The following CRACDL variants were observed in gnomAD, a reference collection of about 807,000 sequenced individuals.
CRACDL encodes the protein CRACD-like protein.
CRACDL carries 26 observed loss-of-function variants against 70.6 expected under a neutral mutation model. The ratio of observed to expected loss-of-function variants is 0.37; its 90% CI spans 0.27 to 0.51. CRACDL has a LOEUF of 0.51. Among genes scored for constraint, CRACDL ranks in the 20% least tolerant of loss-of-function variants. CRACDL has a pLI of 0.94. For synonymous variants in CRACDL, 618 were observed against 615.2 expected, an observed-to-expected ratio of 1.00 and a Z score of -0.07; for missense variants, 1,283 against 1,376.9, an observed-to-expected ratio of 0.93 and a Z score of 1.08.
chr2:98,827,314 T>A (rs1039578630), intron 5 of CRACDL, 145 bp from the exon 6 acceptor site: 5 of 620,186 alleles, frequency 8.1e-6, no homozygotes, highest in Admixed American at 2.8e-5. Flanking sequence ...TTCTTTTTTT[T>A]TCCCCCAAGA....
intron 7 of CRACDL, among the ~76,000 whole-genome samples, chr2:98,817,586 C>CA (rs1704836048): frequency 6.6e-6 from 1 of 152,224 alleles, no homozygotes; most frequent in African/African-American, 2.4e-5. Flanking sequence ...TACACTCCTC[C>CA]AGCATCCAGC....
chr2:98,890,309 T>C (rs1295261050), intron 1 of CRACDL, among the ~76,000 whole-genome samples: 1 of 151,972 alleles, frequency 6.6e-6, no homozygotes, highest in African/African-American at 2.4e-5. Flanking sequence ...AAATTAAGAA[T>C]GAAAGAGGGG....
chr2:98,899,728 G>A (rs1204606960), intron 1 of CRACDL, among the ~76,000 whole-genome samples: 1 of 152,282 alleles, frequency 6.6e-6, no homozygotes, highest in African/African-American at 2.4e-5. Context: ...GCGCTGTTAA[G>A]AAGTATGTCT....
rs917403762 is a variant in CRACDL, at chr2:98,892,171, C to A, written c.-11+43767G>T. Among the ~76,000 whole-genome samples, 6 of 152,236 alleles carry A rather than the reference C, an allele frequency of 3.9e-5. No individual in the cohort carries two copies. In the South Asian group the frequency reaches 1.0e-3, roughly 26 times the overall value. On this transcript the variant is annotated intron_variant, in intron 1 of 9. Coordinates refer to ENST00000397899, the MANE Select transcript of CRACDL (RefSeq NM_207362.3). ...TAAAAGTACTCATCCTTTGACCAGGCAATTCCACCTCTGGGAATCTATTCT... is the reference window on the plus strand; with the variant it reads ...TAAAAGTACTCATCCTTTGACCAGGAAATTCCACCTCTGGGAATCTATTCT...
chr2:98,817,216 G>C (rs1320312387), intron 7 of CRACDL, among the ~76,000 whole-genome samples: 1 of 152,052 alleles, frequency 6.6e-6, no homozygotes, highest in Non-Finnish European at 1.5e-5. Context: ...AGGGAAATTG[G>C]GGGCTATTCA....
chr2:98,823,851 G>A lies in CRACDL; in HGVS notation c.736-314C>T, dbSNP rs1316662091. On this transcript the variant is annotated intron_variant, in intron 6 of 9. Transcript: ENST00000397899. This position sits in a 1 kb window ranked among gnomAD's most constrained non-coding sequence, Gnocchi z 4.0. ...ACCAACAGCAGCCAGTGTCTGCTATGCTCTGTGCTCCCACACTTGTTATTT... is the reference window on the plus strand; with the variant it reads ...ACCAACAGCAGCCAGTGTCTGCTATACTCTGTGCTCCCACACTTGTTATTT... Among the ~76,000 whole-genome samples, 4 of 152,212 alleles carry A rather than the reference G, an allele frequency of 2.6e-5. No individual in the cohort carries two copies. The highest frequency in any genetic ancestry group is 5.9e-5 in the Non-Finnish European group (4 of 68,036).
intron 1 of CRACDL, chr2:98,897,287 G>GAACATTTT: frequency 1.3e-6 from 1 of 773,626 alleles, no homozygotes; most frequent in East Asian, 6.5e-5. Context: ...ATGTACCGGT[G>GAACATTTT]GTTTGTTCCT....
chr2:98,842,772 T>C (rs538183943), intron 2 of CRACDL, among the ~76,000 whole-genome samples: 1 of 152,240 alleles, frequency 6.6e-6, no homozygotes, highest in Non-Finnish European at 1.5e-5. Flanking sequence ...TAGAACTCCA[T>C]TGTGTGGATA....
At chr2:98,860,591 T>C (rs1056889433) in intron 1 of CRACDL, among the ~76,000 whole-genome samples, 2 of 152,202 alleles carry the variant, frequency 1.3e-5, no homozygotes, top group South Asian at 2.1e-4. Flanking sequence ...TAATGTGTAC[T>C]CTTACCTCAC....
At chr2:98,809,568 C>T (rs898468494) in intron 7 of CRACDL, among the ~76,000 whole-genome samples, 1 of 152,174 alleles carries the variant, frequency 6.6e-6, no homozygotes, top group South Asian at 2.1e-4. Context: ...GCTGGTGGCT[C>T]ACAGGACTGC....
intron 1 of CRACDL, among the ~76,000 whole-genome samples, chr2:98,924,961 T>G (rs1285928733): frequency 6.6e-6 from 1 of 152,026 alleles, no homozygotes; most frequent in Non-Finnish European, 1.5e-5. Context: ...CCTCGCAGAG[T>G]GCAGAGGAGG....
At chr2:98,890,150 A>G (rs1045182579) in intron 1 of CRACDL, among the ~76,000 whole-genome samples, 18 of 152,268 alleles carry the variant, frequency 1.2e-4, no homozygotes, top group Admixed American at 1.0e-3. Context: ...AAACAATAAT[A>G]AAGATTAGAG....
At chr2:98,815,890 T>C (rs928133025) in intron 7 of CRACDL, among the ~76,000 whole-genome samples, 1 of 152,196 alleles carries the variant, frequency 6.6e-6, no homozygotes, top group African/African-American at 2.4e-5. Flanking sequence ...AGTTTCAGCT[T>C]GTTGTTGGCA....
intron 1 of CRACDL, among the ~76,000 whole-genome samples, chr2:98,864,363 CCA>C (rs754970087): frequency 3.3e-5 from 5 of 152,134 alleles, no homozygotes; most frequent in Admixed American, 6.5e-5. Flanking sequence ...CTAGGCAAAT[CCA>C]CAGAGACACA....
At chr2:98,855,758 G>A (rs1357736222) in intron 1 of CRACDL, among the ~76,000 whole-genome samples, 2 of 152,120 alleles carry the variant, frequency 1.3e-5, no homozygotes, top group Non-Finnish European at 2.9e-5. Flanking sequence ...GATGATTACA[G>A]CTTATCAAAT....
Position 98,843,667 on chromosome 2 carries a change from T to C in CRACDL, c.70+3064A>G, listed in dbSNP as rs1000012168. On this transcript the variant is annotated intron_variant, in intron 2 of 9. Transcript: ENST00000397899. The stretch of plus-strand genomic sequence containing the variant: ...GATTTTGCAATTTTGTCAAAATTAA[T>C]TAACCATATTTGTATGGGTCTGTTT... Among the ~76,000 whole-genome samples, 8 of 152,246 alleles carry C rather than the reference T, an allele frequency of 5.3e-5. 1 individual carries two copies. Among genetic ancestry groups the C allele is most frequent in the Middle Eastern group, 6.3e-3 (2 of 316 alleles).
At chr2:98,879,695 A>G (rs1707586924) in intron 1 of CRACDL, among the ~76,000 whole-genome samples, 1 of 152,118 alleles carries the variant, frequency 6.6e-6, no homozygotes, top group Non-Finnish European at 1.5e-5. Flanking sequence ...CCAGGTGCAC[A>G]CTGCCGTGCC....
Position 98,822,451 on chromosome 2 carries a change from TC to T in CRACDL, c.1821del (p.Trp607Ter). 1 of 1,481,902 alleles carries T rather than the reference TC, an allele frequency of 6.7e-7. No individual in the cohort carries two copies. Among genetic ancestry groups the T allele is most frequent in the Admixed American group, 2.3e-5 (1 of 43,048 alleles). 91.8% of individuals were successfully genotyped at this position (1,481,902 alleles called of 1,614,324 possible). On this transcript the variant is annotated frameshift_variant, in exon 7 of 10. Transcript: ENST00000397899. LOFTEE classifies it high-confidence loss of function. This position sits in a 1 kb window ranked among gnomAD's most constrained non-coding sequence, Gnocchi z 4.9. ...AGGTCGTCAAGAGCCGCCTCGCTCC[TC>T]CAGACCGGGCCGCTCCTCGCGAGGG... ...RLPLARSGPVWRSEAALDDLQ... is the reference protein window; with the variant it reads ...RLPLARSGPVXRSEAALDDLQ...
intron 1 of CRACDL, among the ~76,000 whole-genome samples, chr2:98,901,623 C>T (rs969786207): frequency 1.8e-4 from 27 of 152,206 alleles, no homozygotes; most frequent in African/African-American, 6.5e-4. Context: ...CTGCAGTTCT[C>T]CAGAAATCCT....
Sources: gnomAD v4.1 joint callset for allele counts (sites outside exome capture counted in the v4.1 genomes callset) on GRCh38, gnomAD v4.1.1 for gene constraint, Gnocchi (gnomAD v3.1) non-coding constraint, MANE v1.5 for transcripts, NCBI Gene and HGNC (gene_info 2026-07-23, HGNC 2026-07-21) for gene names.